Variants in ALPL observed in about 807,000 individuals in gnomAD.
The protein encoded by ALPL is alkaline phosphatase, tissue-nonspecific isozyme.
Under a neutral mutation model 51.3 loss-of-function variants are expected in ALPL, and 42 were observed. The ratio of observed to expected loss-of-function variants is 0.82; its 90% CI spans 0.64 to 1.06. ALPL has a LOEUF of 1.06. ALPL is among the 50% of genes least tolerant of loss of function. The pLI is 0.00. For synonymous variants in ALPL, 279 were observed against 296.4 expected (o/e 0.94, Z 0.60); for missense variants, 589 against 709.4 (o/e 0.83, Z 1.93).
chr1:21,543,704 A>G (rs1644219188), intron 1 of ALPL, among the ~76,000 whole-genome samples: 1 of 152,182 alleles, frequency 6.6e-6, no homozygotes, highest in Non-Finnish European at 1.5e-5. Flanking sequence ...AAGCACCTCA[A>G]GTGATTTTTG....
At chr1:21,556,090 G>A (rs1429255284) in intron 2 of ALPL, among the ~76,000 whole-genome samples, 1 of 152,080 alleles carries the variant, frequency 6.6e-6, no homozygotes, top group Non-Finnish European at 1.5e-5. Flanking sequence ...TTGTTTTTCT[G>A]TTGGAGATTC....
intron 1 of ALPL, among the ~76,000 whole-genome samples, chr1:21,516,886 G>A (rs1643811109): frequency 6.6e-6 from 1 of 152,130 alleles, no homozygotes; most frequent in Non-Finnish European, 1.5e-5. Context: ...ATTTACCAAA[G>A]GTTTTTGTCC....
At chr1:21,565,588 T>C (rs528760029) in intron 6 of ALPL, among the ~76,000 whole-genome samples, 1 of 138,798 alleles carries the variant, frequency 7.2e-6, no homozygotes, top group African/African-American at 2.7e-5. Context: ...GGAGGGAAGA[T>C]GTTTCAGGTG....
chr1:21,528,010 T>C (rs12027423), intron 1 of ALPL, among the ~76,000 whole-genome samples: 62,537 of 114,624 alleles, frequency 0.55, 14,752 homozygotes, highest in East Asian at 0.86. Flanking sequence ...TGTTTTTTTT[T>C]TTTTTGTTTT....
intron 2 of ALPL, among the ~76,000 whole-genome samples, chr1:21,554,698 G>A (rs1343310742): frequency 2.6e-5 from 4 of 151,204 alleles, no homozygotes; most frequent in African/African-American, 9.7e-5. Flanking sequence ...CACCGTGTTA[G>A]CCAGGATGGT....
rs760029254 is a variant in ALPL, at chr1:21,564,052, G to A, written c.484G>A (p.Gly162Ser). The A allele has an allele frequency of 1.1e-5, 17 of 1,613,864 alleles. No individual in the cohort carries two copies. The highest frequency in any genetic ancestry group is 1.7e-5 in the Admixed American group (1 of 60,012). The change falls in exon 6 of 12, where the codon GGC (glycine) becomes AGC (serine). Residue 162 changes from glycine to serine, a missense_variant. Physicochemically the swap from Gly to Ser is moderately conservative, Grantham distance 56. Transcript: ENST00000374840. This position sits in a 1 kb window ranked among gnomAD's most constrained non-coding sequence, Gnocchi z 5.8. Reference protein sequence around the residue: ...RWAKDAGKSVGIVTTTRVNHA... With the variant: ...RWAKDAGKSVSIVTTTRVNHA... Reference sequence around the variant, plus strand: ...CTCCTGCACCCCAGGGAAATCTGTGGGCATTGTGACCACCACGAGAGTGAA... The same window carrying A: ...CTCCTGCACCCCAGGGAAATCTGTGAGCATTGTGACCACCACGAGAGTGAA...
chr1:21,573,954 G>A, intron 9 of ALPL, 155 bp downstream of exon 9: 1 of 985,134 alleles, frequency 1.0e-6, no homozygotes, highest in Middle Eastern at 5.2e-4. Context: ...GGGTGGCACT[G>A]TAGACACTCC....
chr1:21,578,055 A>C lies in ALPL; in HGVS notation c.*407A>C. 8.3e-6 allele frequency: 2 copies of C among 240,206 alleles called. No individual in the cohort carries two copies. Among genetic ancestry groups the C allele is most frequent in the East Asian group, 1.0e-4 (1 of 9,812 alleles). The allele number at this position is 240,206 out of a possible 1,614,324, so 14.9% of individuals were successfully genotyped here. ...CTGACCCTCCCACTCCCATCTCCTT[A>C]CCTCTGGAACCCCCCAGGCCCTACA... On this transcript the variant is annotated 3_prime_UTR_variant, in exon 12 of 12. Transcript: ENST00000374840. The surrounding 1 kb of genome is among the most constrained non-coding windows in gnomAD (Gnocchi z 4.2).
At chr1:21,561,007 G>T in intron 3 of ALPL, 90 bp from the exon 4 acceptor site, 2 of 1,255,152 alleles carry the variant, frequency 1.6e-6, no homozygotes, top group Non-Finnish European at 2.3e-6. Context: ...AGCCTGCCTT[G>T]GTACCGAACT....
At chr1:21,539,653 T>C (rs911367594) in intron 1 of ALPL, among the ~76,000 whole-genome samples, 7 of 139,742 alleles carry the variant, frequency 5.0e-5, no homozygotes, top group African/African-American at 1.8e-4. Flanking sequence ...CCTTTTCTTT[T>C]TCCTTTTTTT....
Position 21,573,677 on chromosome 1 carries a change from C to A in ALPL, c.875C>A (p.Pro292Gln). 6.2e-7 allele frequency: 1 copy of A among 1,613,922 alleles called. No homozygotes were observed. Among genetic ancestry groups the A allele is most frequent in the Non-Finnish European group, 8.5e-7 (1 of 1,179,956 alleles). ...GCGTCCTCCTCAGGTCTCTTCGAGCCAGGGGACATGCAGTACGAGCTGAAC... is the reference window on the plus strand; with the variant it reads ...GCGTCCTCCTCAGGTCTCTTCGAGCAAGGGGACATGCAGTACGAGCTGAAC... ...NVDYLLGLFE[P>Q]GDMQYELNRN... Residue 292 changes from proline (P) to glutamine (Q), a missense_variant, in exon 9 of 12, where the codon CCA becomes CAA. Coordinates refer to ENST00000374840, the MANE Select transcript of ALPL (RefSeq NM_000478.6).
chr1:21,551,405 C>A (rs946384308), intron 1 of ALPL: 6 of 152,132 alleles, frequency 3.9e-5, no homozygotes, highest in African/African-American at 1.4e-4. Context: ...AGTGAGTGAC[C>A]ATCCTGGAGC....
intron 1 of ALPL, among the ~76,000 whole-genome samples, chr1:21,552,010 C>T (rs1348137837): frequency 6.7e-6 from 1 of 149,760 alleles, no homozygotes; most frequent in Non-Finnish European, 1.5e-5. Flanking sequence ...CAGGCGTGAG[C>T]CACCGCGCCC....
At chr1:21,510,069 A>C (rs1643652162) in intron 1 of ALPL, among the ~76,000 whole-genome samples, 1 of 152,056 alleles carries the variant, frequency 6.6e-6, no homozygotes, top group Admixed American at 6.5e-5. Flanking sequence ...GAGGAGACAG[A>C]GGACACCCGC....
At chr1:21,543,194 G>A (rs529566556) in intron 1 of ALPL, among the ~76,000 whole-genome samples, 2 of 152,242 alleles carry the variant, frequency 1.3e-5, no homozygotes, top group African/African-American at 2.4e-5. Flanking sequence ...GATTCTGACC[G>A]AGTAGGTCTG....
intron 1 of ALPL, among the ~76,000 whole-genome samples, chr1:21,541,148 G>A (rs777036778): frequency 9.2e-5 from 14 of 152,108 alleles, no homozygotes; most frequent in Admixed American, 6.5e-5. Flanking sequence ...GGGTCCATCC[G>A]TTCTCTGCTC....
Position 21,554,030 on chromosome 1 carries a change from A to G in ALPL, c.-52A>G. 10 of 687,658 alleles carry G rather than the reference A, an allele frequency of 1.5e-5. No individual in the cohort carries two copies. The highest frequency in any genetic ancestry group is 2.5e-5 in the Non-Finnish European group (10 of 399,690). The allele number at this position is 687,658 out of a possible 1,614,324, so 42.6% of individuals were successfully genotyped here. On this transcript the variant is annotated 5_prime_UTR_variant, in exon 2 of 12. Coordinates refer to ENST00000374840, the MANE Select transcript of ALPL (RefSeq NM_000478.6). The stretch of plus-strand genomic sequence containing the variant: ...ACTGCCAGCCCACCCCCTCCCACCC[A>G]CGTCGATTGCATCTCTGGGCTCCAG...
At position 21,515,623 on chromosome 1, in the gene ALPL, A is replaced by G. The variant is rs1040610863; in HGVS notation, c.-105+6106A>G. 2.6e-5 allele frequency among the ~76,000 whole-genome samples: 4 copies of G among 152,186 alleles called. No individual in the cohort carries two copies. The East Asian group carries it at 5.8e-4, about 22-fold the overall frequency. On this transcript the variant is annotated intron_variant, in intron 1 of 11. Coordinates refer to ENST00000374840, the MANE Select transcript of ALPL (RefSeq NM_000478.6). ...AGGTTGATCTTGAACTCCTGACCTCAGGTGATCCACCCTCCTCGGCCTCGC... is the reference window on the plus strand; with the variant it reads ...AGGTTGATCTTGAACTCCTGACCTCGGGTGATCCACCCTCCTCGGCCTCGC...
At chr1:21,559,424 G>C (rs1358740407) in intron 2 of ALPL, among the ~76,000 whole-genome samples, 4 of 152,176 alleles carry the variant, frequency 2.6e-5, no homozygotes, top group Admixed American at 2.6e-4. Flanking sequence ...TCCTTAGAGC[G>C]ACCCTGAGGG....
Sources: gnomAD v4.1 joint callset for allele counts (sites outside exome capture counted in the v4.1 genomes callset) on GRCh38, gnomAD v4.1.1 for gene constraint, Gnocchi (gnomAD v3.1) non-coding constraint, MANE v1.5 for transcripts, NCBI Gene and HGNC (gene_info 2026-07-23, HGNC 2026-07-21) for gene names.